The following HABP2 variants were observed in gnomAD, a reference collection of about 807,000 sequenced individuals.
HABP2 encodes hyaluronan binding protein 2.
HABP2 carries 65 observed loss-of-function variants against 66.5 expected under a neutral mutation model. The ratio of observed to expected loss-of-function variants is 0.98; its 90% CI spans 0.80 to 1.20. The LOEUF is 1.20. Among genes scored for constraint, HABP2 ranks in the 50% most tolerant of loss-of-function variants. The probability of loss-of-function intolerance (pLI) is 0.00; values close to 1 mark genes in which losing one functional copy is unlikely to be tolerated. For synonymous variants in HABP2, 263 were observed against 253.9 expected (o/e 1.04, Z -0.34); for missense variants, 786 against 691.0 (o/e 1.14, Z -1.54).
chr10:113,580,081 T>C (rs1845493224), intron 7 of HABP2, among the ~76,000 whole-genome samples: 1 of 151,172 alleles, frequency 6.6e-6, no homozygotes, highest in African/African-American at 2.4e-5. Context: ...CACCCGGCCA[T>C]GAAGATTTTT....
intron 2 of HABP2, chr10:113,569,873 A>T (rs1365400098): frequency 6.6e-6 from 1 of 152,294 alleles, no homozygotes; most frequent in Admixed American, 6.5e-5. Flanking sequence ...GATGGATGAC[A>T]CCAACAGGGA....
intron 1 of HABP2, among the ~76,000 whole-genome samples, chr10:113,555,765 G>C (rs962678307): frequency 1.3e-5 from 2 of 152,138 alleles, no homozygotes; most frequent in Admixed American, 1.3e-4. Flanking sequence ...CTGTTTTATG[G>C]ATGAGATACA....
At chr10:113,551,626 C>A (rs891076285), upstream of HABP2, among the ~76,000 whole-genome samples, 1 of 151,872 alleles carries the variant, frequency 6.6e-6, no homozygotes, top group African/African-American at 2.4e-5. Flanking sequence ...GCCAAGATGG[C>A]GAAATGCCGT....
chr10:113,560,110 C>T (rs1418966538), intron 1 of HABP2, among the ~76,000 whole-genome samples: 6 of 152,254 alleles, frequency 3.9e-5, no homozygotes, highest in Non-Finnish European at 7.3e-5. Context: ...AAACCACCCA[C>T]AGGCACTGCT....
intron 7 of HABP2, among the ~76,000 whole-genome samples, chr10:113,579,255 G>GAA (rs71007434): frequency 1.0e-4 from 14 of 133,446 alleles, no homozygotes; most frequent in Admixed American, 1.5e-4. Context: ...CTCAAAAAAA[G>GAA]AAAAAAAAAA....
intron 1 of HABP2, among the ~76,000 whole-genome samples, chr10:113,554,744 T>C (rs1202184891): frequency 6.6e-6 from 1 of 152,236 alleles, no homozygotes; most frequent in Non-Finnish European, 1.5e-5. Flanking sequence ...ACGGTATGTT[T>C]GAAGTTCACA....
At chr10:113,575,607 A>AG (rs1845393450) in intron 3 of HABP2, among the ~76,000 whole-genome samples, 1 of 152,092 alleles carries the variant, frequency 6.6e-6, no homozygotes, top group Admixed American at 6.5e-5. Flanking sequence ...ATGAGGGAAA[A>AG]GGGGAGTTTC....
Position 113,578,074 on chromosome 10 carries a change from C to T in HABP2, c.497C>T (p.Ser166Phe), listed in dbSNP as rs142936446. The T allele has an allele frequency of 1.4e-3, 2,289 of 1,614,134 alleles. 3 individuals carry two copies. The highest frequency in any genetic ancestry group is 3.6e-3 in the Admixed American group (216 of 60,032). The change falls in exon 6 of 13, where the codon TCC becomes TTC. Residue 166 changes from serine to phenylalanine, a missense_variant. By Grantham distance (155) the Ser-to-Phe change is radical. Transcript: ENST00000351270. ...PNPCQNGATC[S>F]RHKRRSKFTC... ...CCCTGCCAGAATGGGGCTACCTGCT[C>T]CCGGCATAAGCGGAGATCCAAGTTC...
At position 113,574,376 on chromosome 10, in the gene HABP2, C is replaced by T; in HGVS notation, c.194C>T (p.Pro65Leu). 1 of 1,574,444 alleles carries T rather than the reference C, an allele frequency of 6.4e-7. No homozygotes were observed. The highest frequency in any genetic ancestry group is 8.7e-7 in the Non-Finnish European group (1 of 1,143,226). Residue 65 changes from proline to leucine, a missense_variant, in exon 3 of 13, where the codon CCT becomes CTT. Coordinates refer to ENST00000351270, the MANE Select transcript of HABP2 (RefSeq NM_004132.5). ...AGCACACTTACCCACGCTGAGAATCCTGACTGGTACTACACTGAGGACCAA... is the reference window on the plus strand; with the variant it reads ...AGCACACTTACCCACGCTGAGAATCTTGACTGGTACTACACTGAGGACCAA... ...TSSTLTHAEN[P>L]DWYYTEDQAD...
At chr10:113,568,228 C>T (rs971702431) in intron 2 of HABP2, among the ~76,000 whole-genome samples, 2 of 152,250 alleles carry the variant, frequency 1.3e-5, no homozygotes, top group Non-Finnish European at 2.9e-5. Context: ...CAGCTCTGAG[C>T]CGCAGTGGAG....
chr10:113,581,594 CAT>C (rs1459796048), intron 8 of HABP2, among the ~76,000 whole-genome samples: 1 of 152,228 alleles, frequency 6.6e-6, no homozygotes, highest in Non-Finnish European at 1.5e-5. Context: ...TTTACATAAA[CAT>C]AATGTGTGTG....
chr10:113,581,834 G>A, intron 8 of HABP2, 42 bp from the exon 9 acceptor site: 1 of 1,610,156 alleles, frequency 6.2e-7, no homozygotes, highest in South Asian at 1.1e-5. Flanking sequence ...AGGAACTGGA[G>A]GGAGGCTGAA....
At position 113,589,303 on chromosome 10, in the gene HABP2, A is replaced by G; in HGVS notation, c.*934A>G. ...AGACCTGGCTTCTTTCTTCTGAACA[A>G]AGTAGGGTTCAAAATGCAGACTGTC... On this transcript the variant is annotated 3_prime_UTR_variant, in exon 13 of 13. Coordinates refer to ENST00000351270, the MANE Select transcript of HABP2 (RefSeq NM_004132.5). 1.7e-6 allele frequency: 1 copy of G among 579,206 alleles called. No individual in the cohort carries two copies. The highest frequency in any genetic ancestry group is 2.3e-5 in the South Asian group (1 of 44,194). 35.9% of individuals were successfully genotyped at this position (579,206 alleles called of 1,614,324 possible).
At chr10:113,583,400 G>C in intron 10 of HABP2, 42 bp downstream of exon 10, 1 of 1,586,592 alleles carries the variant, frequency 6.3e-7, no homozygotes, top group Non-Finnish European at 8.6e-7. Context: ...TCTTGTCCTG[G>C]GTGGATTTCT....
In HABP2 at chr10:113,588,750, C is replaced by CCAGA; in HGVS notation, c.*384_*387dup. 1 of 568,280 alleles carries CCAGA rather than the reference C, an allele frequency of 1.8e-6. No individual in the cohort carries two copies. The allele number at this position is 568,280 out of a possible 1,614,324, so 35.2% of individuals were successfully genotyped here. ...CACCATCACATCTTTATTCCTCAGC[C>CCAGA]CAGACACTCGAGGCACTCAACAGAA... is the stretch of plus-strand genomic sequence containing the variant. On this transcript the variant is annotated 3_prime_UTR_variant, in exon 13 of 13. Transcript: ENST00000351270.
rs770348968 is a variant in HABP2 at position 113,585,954 on chromosome 10, TG to T, written c.1518+18del. The T allele has an allele frequency of 9.3e-6, 15 of 1,611,236 alleles. No homozygotes were observed. The highest frequency in any genetic ancestry group is 1.3e-5 in the Non-Finnish European group (15 of 1,177,592). ...CACCTGCCAGGTCAGAGACTCCAAG[TG>T]GTGCTTGTGGTAGGAGAGGCTAGCA... On this transcript the variant is annotated intron_variant, in intron 12 of 12. Transcript: ENST00000351270.
Position 113,580,650 on chromosome 10 carries a change from G to A in HABP2, c.796G>A (p.Val266Met). ...CTTTATTAAAGTTACCAATGACAAG[G>A]TGAAATGGGAATACTGTGATGTCTC... ...WCFIKVTNDKVKWEYCDVSAC... is the reference protein window; with the variant it reads ...WCFIKVTNDKMKWEYCDVSAC... The change falls in exon 8 of 13, where the codon GTG becomes ATG. Residue 266 changes from valine (V) to methionine (M), a missense_variant. Coordinates refer to ENST00000351270, the MANE Select transcript of HABP2 (RefSeq NM_004132.5). The A allele has an allele frequency of 1.2e-6, 2 of 1,603,976 alleles. 1 individual carries two copies.
In HABP2 at chr10:113,584,200, C is replaced by T. The variant is rs755357982; in HGVS notation, c.1290C>T (p.Tyr430=). The change falls in exon 11 of 13, where the codon TAC becomes TAT. Residue 430 remains tyrosine (Y), a synonymous_variant. Coordinates refer to ENST00000351270, the MANE Select transcript of HABP2 (RefSeq NM_004132.5). ...VDGHCALESK[Y]VKTVCLPDGS... is the part of the protein sequence containing the mutation. The stretch of plus-strand genomic sequence containing the variant: ...GTCACTGTGCTCTAGAATCCAAATA[C>T]GTGAAGACTGTGTGCTTGCCTGATG... The T allele has an allele frequency of 3.0e-5, 49 of 1,612,884 alleles. No individual in the cohort carries two copies. Among genetic ancestry groups the T allele is most frequent in the African/African-American group, 5.3e-5 (4 of 74,910 alleles).
chr10:113,551,925 T>C (rs1028193713), upstream of HABP2, among the ~76,000 whole-genome samples: 2 of 151,994 alleles, frequency 1.3e-5, no homozygotes, highest in Non-Finnish European at 2.9e-5. Flanking sequence ...GATGGCTGCC[T>C]AAAATAGGAT....
Sources: allele counts gnomAD v4.1 joint callset (sites outside exome capture counted in the v4.1 genomes callset), GRCh38; gene constraint gnomAD v4.1.1; transcripts MANE v1.5; gene names NCBI Gene and HGNC (gene_info 2026-07-23, HGNC 2026-07-21).